MEGF9: variants seen among roughly 807,000 people sequenced by gnomAD.
The protein encoded by MEGF9 is multiple epidermal growth factor-like domains protein 9.
A neutral mutation model predicts 46.8 loss-of-function variants in MEGF9; 6 were observed. The observed-to-expected ratio is 0.13, with a 90% CI of 0.07 to 0.25. The LOEUF (loss-of-function observed/expected upper bound fraction) is 0.25, where lower values mean the gene tolerates loss of function less well. Ranked by LOEUF, MEGF9 falls within the 10% of genes least tolerant of loss-of-function variation. MEGF9 has a pLI of 1.00. For missense variants in MEGF9, 683 were observed against 792.4 expected, an observed-to-expected ratio of 0.86 and a Z score of 1.66; for synonymous variants, 302 against 330.7, an observed-to-expected ratio of 0.91 and a Z score of 0.94.
rs1324897523 is a variant in MEGF9 at position 120,601,819 on chromosome 9, A to G, written c.*3371T>C. 1 of 152,194 alleles carries G rather than the reference A, an allele frequency of 6.6e-6. No homozygotes were observed. Among genetic ancestry groups the G allele is most frequent in the Non-Finnish European group, 1.5e-5 (1 of 68,046 alleles). 9.4% of individuals were successfully genotyped at this position (152,194 alleles called of 1,614,324 possible). ...GGGGAGTAAGGGAGGACACGGACAT[A>G]CTTAACACTACCTAGGGCACCTAAC... On this transcript the variant is annotated 3_prime_UTR_variant, in exon 6 of 6. Transcript: ENST00000373930.
rs544595023 is a variant in MEGF9 at position 120,605,714 on chromosome 9, G to T, written c.1358-73C>A. On this transcript the variant is annotated intron_variant, in intron 5 of 5. Coordinates refer to ENST00000373930, the MANE Select transcript of MEGF9 (RefSeq NM_001080497.3). This position sits in a 1 kb window ranked among gnomAD's most constrained non-coding sequence, Gnocchi z 4.0. ...TTTTGAGAAACAATAAAAGAAATAC[G>T]CATGGGAGTGAATGTTGATGTAGGA... 1 of 1,074,574 alleles carries T rather than the reference G, an allele frequency of 9.3e-7. No individual in the cohort carries two copies. Among genetic ancestry groups the T allele is most frequent in the Non-Finnish European group, 1.3e-6 (1 of 750,454 alleles). The allele number at this position is 1,074,574 out of a possible 1,614,324, so 66.6% of individuals were successfully genotyped here.
At chr9:120,657,014 C>G (rs1220873544) in intron 2 of MEGF9, among the ~76,000 whole-genome samples, 2 of 152,196 alleles carry the variant, frequency 1.3e-5, no homozygotes, top group Non-Finnish European at 1.5e-5. Context: ...TATAAACCAC[C>G]ATATAAACCA....
chr9:120,658,422 T>C (rs1233337453), intron 2 of MEGF9, among the ~76,000 whole-genome samples: 2 of 152,376 alleles, frequency 1.3e-5, no homozygotes, highest in East Asian at 3.9e-4. Flanking sequence ...TCTTAAAACA[T>C]GTTCTCTCAT....
intron 2 of MEGF9, among the ~76,000 whole-genome samples, chr9:120,649,777 G>A (rs189076560): frequency 2.2e-4 from 33 of 152,116 alleles, no homozygotes; most frequent in African/African-American, 4.1e-4. Context: ...ATTAGCCTAC[G>A]GTAAAATTGG....
rs376336771 is a variant in MEGF9 at position 120,659,564 on chromosome 9, T to C, written c.613A>G (p.Asn205Asp). The change falls in exon 2 of 6, where the codon AAC becomes GAC. Residue 205 changes from asparagine to aspartate, a missense_variant. Around this residue, in one of 2 missense-constraint regions of MEGF9, gnomAD observed 370 missense variants for 371.3 expected, o/e 1.00. Transcript: ENST00000373930. Reference protein sequence around the residue: ...PSSPPPEYVCNCSVVGSLNVN... With the variant: ...PSSPPPEYVCDCSVVGSLNVN... Reference sequence around the variant, plus strand: ...TTCAGGCTTCCAACCACAGAGCAGTTACATACATACTCTGCAAAGGAAAGA... The same window carrying C: ...TTCAGGCTTCCAACCACAGAGCAGTCACATACATACTCTGCAAAGGAAAGA... 6.2e-5 allele frequency: 100 copies of C among 1,610,824 alleles called. No homozygotes were observed. Among genetic ancestry groups the C allele is most frequent in the Non-Finnish European group, 8.2e-5 (97 of 1,178,526 alleles).
chr9:120,698,798 G>A (rs986086335), intron 1 of MEGF9, among the ~76,000 whole-genome samples: 1 of 152,074 alleles, frequency 6.6e-6, no homozygotes, highest in African/African-American at 2.4e-5. Flanking sequence ...ATTACTGCTT[G>A]GATTTCAAAG....
intron 1 of MEGF9, among the ~76,000 whole-genome samples, chr9:120,670,183 G>A (rs1180721288): frequency 1.3e-5 from 2 of 152,092 alleles, no homozygotes; most frequent in African/African-American, 4.8e-5. Context: ...TGCAACCTCC[G>A]CTTCCTGGAT....
intron 2 of MEGF9, among the ~76,000 whole-genome samples, chr9:120,628,340 G>A (rs2043534760): frequency 6.6e-6 from 1 of 151,476 alleles, no homozygotes; most frequent in African/African-American, 2.4e-5. Context: ...GCTTCTGGAG[G>A]AAAAAAAGGA....
chr9:120,630,851 T>C (rs1337662292), intron 2 of MEGF9, among the ~76,000 whole-genome samples: 1 of 152,234 alleles, frequency 6.6e-6, no homozygotes, highest in Non-Finnish European at 1.5e-5. Context: ...GTTTACTGGT[T>C]GTTGAGGTGT....
At chr9:120,689,862 T>C in intron 1 of MEGF9, 1 of 485,058 alleles carries the variant, frequency 2.1e-6, no homozygotes, top group Non-Finnish European at 4.3e-6. Flanking sequence ...CACCTTTACT[T>C]GCACATTATG....
chr9:120,650,052 G>A (rs1376326364), intron 2 of MEGF9, among the ~76,000 whole-genome samples: 1 of 152,112 alleles, frequency 6.6e-6, no homozygotes, highest in Non-Finnish European at 1.5e-5. Flanking sequence ...GGATCACAAG[G>A]TCAGGAGTTC....
chr9:120,653,751 T>C (rs2132319999), intron 2 of MEGF9, among the ~76,000 whole-genome samples: 1 of 152,242 alleles, frequency 6.6e-6, no homozygotes, highest in Admixed American at 6.5e-5. Flanking sequence ...ATCTCAGAAG[T>C]TTAATATGCC....
chr9:120,636,593 C>T lies in MEGF9; in HGVS notation c.804-13838G>A, dbSNP rs530743878. Among the ~76,000 whole-genome samples the T allele has an allele frequency of 4.1e-3, 625 of 152,280 alleles. 1 individual carries two copies. The highest frequency in any genetic ancestry group is 0.014 in the African/African-American group (595 of 41,546). On this transcript the variant is annotated intron_variant, in intron 2 of 5. Coordinates refer to ENST00000373930, the MANE Select transcript of MEGF9 (RefSeq NM_001080497.3). ...ATAAAAATCAAATGTGACACATTTC[C>T]AGAGCCACAACTTGCAACAGTTAAC... is the stretch of plus-strand genomic sequence containing the variant.
chr9:120,613,473 T>A (rs1346152749), intron 3 of MEGF9, among the ~76,000 whole-genome samples: 1 of 152,062 alleles, frequency 6.6e-6, no homozygotes, highest in African/African-American at 2.4e-5. Context: ...GTCAAAATGT[T>A]AATCTTTATT....
intron 2 of MEGF9, among the ~76,000 whole-genome samples, chr9:120,652,590 GCACACACA>G (rs141794570): frequency 7.5e-6 from 1 of 134,156 alleles, no homozygotes; most frequent in Non-Finnish European, 1.7e-5. Flanking sequence ...GTGGACACAG[GCACACACA>G]CACACACACA....
At chr9:120,713,439 G>T (rs984517586) in intron 1 of MEGF9, among the ~76,000 whole-genome samples, 2 of 152,126 alleles carry the variant, frequency 1.3e-5, no homozygotes, top group Admixed American at 6.5e-5. Flanking sequence ...AGAGAGGCTG[G>T]GTGCGCGAAC....
At chr9:120,640,341 C>T (rs894918191) in intron 2 of MEGF9, among the ~76,000 whole-genome samples, 15 of 152,104 alleles carry the variant, frequency 9.9e-5, no homozygotes, top group Admixed American at 2.0e-4. Flanking sequence ...CTTTTTGTTC[C>T]TTATTCTAAT....
At chr9:120,611,379 T>C (rs537212859) in intron 4 of MEGF9, among the ~76,000 whole-genome samples, 2 of 152,104 alleles carry the variant, frequency 1.3e-5, no homozygotes, top group East Asian at 3.9e-4. Flanking sequence ...AGCAATGAAA[T>C]GGGGTATAAC....
At chr9:120,681,159 C>T (rs764298896) in intron 1 of MEGF9, among the ~76,000 whole-genome samples, 1 of 151,588 alleles carries the variant, frequency 6.6e-6, no homozygotes. Flanking sequence ...GAAGCCAGCA[C>T]ATCTCAGAGC....
Sources: allele counts gnomAD v4.1 joint callset (sites outside exome capture counted in the v4.1 genomes callset), GRCh38; gene constraint gnomAD v4.1.1; regional missense constraint gnomAD v4.1.1; non-coding constraint Gnocchi (gnomAD v3.1); transcripts MANE v1.5; gene names NCBI Gene and HGNC (gene_info 2026-07-23, HGNC 2026-07-21).